Variants in RBMS1 observed in about 807,000 individuals in gnomAD.
The protein encoded by RBMS1 is RNA-binding motif, single-stranded-interacting protein 1.
In RBMS1, 17 loss-of-function variants were observed where a neutral mutation model predicts 62.3. The observed-to-expected ratio is 0.27, with a 90% CI of 0.19 to 0.41. The LOEUF (loss-of-function observed/expected upper bound fraction) is 0.41, where lower values mean the gene tolerates loss of function less well. Among genes scored for constraint, RBMS1 ranks in the 10% least tolerant of loss-of-function variants. The probability of loss-of-function intolerance (pLI) is 1.00; values close to 1 mark genes in which losing one functional copy is unlikely to be tolerated. For missense variants in RBMS1, 334 were observed against 504.5 expected (o/e 0.66, Z 3.24); for synonymous variants, 172 against 170.0 (o/e 1.01, Z -0.09).
At chr2:160,325,579 A>G (rs905585888) in intron 2 of RBMS1, among the ~76,000 whole-genome samples, 1 of 152,204 alleles carries the variant, frequency 6.6e-6, no homozygotes, top group Admixed American at 6.5e-5. Context: ...TGTTTTTTCA[A>G]TGGCCTCCCA....
chr2:160,278,500 T>C (rs768055392), intron 11 of RBMS1, 48 bp downstream of exon 11: 13 of 1,469,380 alleles, frequency 8.8e-6, no homozygotes, highest in Non-Finnish European at 5.7e-6. Flanking sequence ...CTGCATTAAT[T>C]TACCCTCCTC....
At chr2:160,304,708 G>C (rs919762609) in intron 4 of RBMS1, among the ~76,000 whole-genome samples, 6 of 152,092 alleles carry the variant, frequency 3.9e-5, no homozygotes, top group Admixed American at 2.6e-4. Flanking sequence ...AATGCTTATA[G>C]AATAAATGTA....
At chr2:160,477,218 A>G (rs74897135) in intron 1 of RBMS1, among the ~76,000 whole-genome samples, 1,845 of 152,318 alleles carry the variant, frequency 0.012, 25 homozygotes, top group Middle Eastern at 0.051. Flanking sequence ...GTGGTGGCGC[A>G]TGCCTGTGGT....
In RBMS1 at chr2:160,426,294, G is replaced by GAAAAGA. The variant is rs1256947237; in HGVS notation, c.76-58904_76-58903insTCTTTT. ...GAAAGAAAGAAAGAAAGAAAGAAAAGAAAGAAGGAAGGAAGGAAGGAAGGA... is the reference window on the plus strand; with the variant it reads ...GAAAGAAAGAAAGAAAGAAAGAAAAGAAAAGAAAAGAAGGAAGGAAGGAAGGAAGGA... On this transcript the variant is annotated intron_variant, in intron 1 of 13. Transcript: ENST00000348849. Among the ~76,000 whole-genome samples, 15 of 66,222 alleles carry GAAAAGA rather than the reference G, an allele frequency of 2.3e-4. No homozygotes were observed. The East Asian group carries it at 6.3e-3, about 28-fold the overall frequency. The allele number at this position is 66,222 out of a possible 152,430, so 43.4% of individuals were successfully genotyped here.
chr2:160,319,207 T>C (rs1690406587), intron 2 of RBMS1, among the ~76,000 whole-genome samples: 1 of 152,144 alleles, frequency 6.6e-6, no homozygotes, highest in Non-Finnish European at 1.5e-5. Flanking sequence ...ACTTTTAAAA[T>C]TGTTTCTTAA....
chr2:160,346,467 C>G (rs968881413), intron 2 of RBMS1, among the ~76,000 whole-genome samples: 3 of 151,936 alleles, frequency 2.0e-5, no homozygotes, highest in African/African-American at 7.3e-5. Flanking sequence ...AAAATAGAGA[C>G]AAATCACAGA....
At chr2:160,352,444 T>A (rs1692569938) in intron 2 of RBMS1, among the ~76,000 whole-genome samples, 1 of 152,168 alleles carries the variant, frequency 6.6e-6, no homozygotes, top group Non-Finnish European at 1.5e-5. Flanking sequence ...ATATGAATAT[T>A]TTGTATTTAA....
At chr2:160,365,966 C>T (rs1016353844) in intron 2 of RBMS1, among the ~76,000 whole-genome samples, 1 of 152,170 alleles carries the variant, frequency 6.6e-6, no homozygotes, top group Admixed American at 6.5e-5. Context: ...TCACAGCAGT[C>T]GCTAGTGCAG....
At chr2:160,352,224 T>C (rs1692556358) in intron 2 of RBMS1, among the ~76,000 whole-genome samples, 1 of 152,100 alleles carries the variant, frequency 6.6e-6, no homozygotes, top group Admixed American at 6.6e-5. Flanking sequence ...CTGTGGTTCC[T>C]CCTAAAAGCC....
intron 6 of RBMS1, among the ~76,000 whole-genome samples, chr2:160,291,671 G>C (rs1432714695): frequency 6.6e-6 from 1 of 152,098 alleles, no homozygotes. Flanking sequence ...AACCCAGTTT[G>C]AGAAGAGAGT....
In RBMS1 at chr2:160,328,709, G is replaced by A. The variant is rs1024961638; in HGVS notation, c.252-10482C>T. Among the ~76,000 whole-genome samples the A allele has an allele frequency of 1.9e-4, 29 of 152,056 alleles. 1 individual carries two copies. Among genetic ancestry groups the A allele is most frequent in the Admixed American group, 3.3e-4 (5 of 15,268 alleles). ...AAACTATAAGGGGCTGGGGTGGGGC[G>A]GAACGTGTGCAAAAAACCCAGAAAA... is the stretch of plus-strand genomic sequence containing the variant. On this transcript the variant is annotated intron_variant, in intron 2 of 13. Coordinates refer to ENST00000348849, the MANE Select transcript of RBMS1 (RefSeq NM_016836.4).
intron 1 of RBMS1, among the ~76,000 whole-genome samples, chr2:160,389,772 A>T (rs890157144): frequency 4.6e-5 from 7 of 150,752 alleles, no homozygotes; most frequent in Non-Finnish European, 8.9e-5. Flanking sequence ...CATAATGAGG[A>T]ATCCTTTTAT....
At chr2:160,318,041 A>C in intron 3 of RBMS1, 128 bp downstream of exon 3, 2 of 1,381,996 alleles carry the variant, frequency 1.4e-6, no homozygotes, top group Non-Finnish European at 1.9e-6. Flanking sequence ...TGCAAGACAG[A>C]AACTGGGTGA....
intron 4 of RBMS1, among the ~76,000 whole-genome samples, chr2:160,310,109 T>TATTA (rs1356725938): frequency 6.6e-6 from 1 of 152,248 alleles, no homozygotes; most frequent in African/African-American, 2.4e-5. Flanking sequence ...AATTATAATG[T>TATTA]ATTACACATC....
intron 1 of RBMS1, among the ~76,000 whole-genome samples, chr2:160,424,779 TA>T (rs745858084): frequency 7.3e-4 from 111 of 152,244 alleles, no homozygotes; most frequent in Non-Finnish European, 1.2e-3. Context: ...CCTTTCATGT[TA>T]AAAAAATAAA....
rs1234546072 is a variant in RBMS1, at chr2:160,367,252, T to A, written c.215A>T (p.His72Leu). The A allele has an allele frequency of 3.7e-6, 6 of 1,613,698 alleles. No homozygotes were observed. The highest frequency in any genetic ancestry group is 5.1e-6 in the Non-Finnish European group (6 of 1,179,962). ...CTTCACCAGGTCCTGGTCGGTGGTG[T>A]GGGGAGGCAGTCCTCGGATATAGAG... ...TNLYIRGLPPHTTDQDLVKLC... is the reference protein window; with the variant it reads ...TNLYIRGLPPLTTDQDLVKLC... The change falls in exon 2 of 14, where the codon CAC (histidine) becomes CTC (leucine). Residue 72 changes from histidine (H) to leucine (L), a missense_variant. This residue lies in a region of RBMS1 where 150 missense variants were observed against 228.0 expected (regional missense o/e 0.66). Coordinates refer to ENST00000348849, the MANE Select transcript of RBMS1 (RefSeq NM_016836.4).
intron 1 of RBMS1, among the ~76,000 whole-genome samples, chr2:160,457,434 T>G (rs974703663): frequency 6.6e-6 from 1 of 152,114 alleles, no homozygotes; most frequent in Admixed American, 6.5e-5. Flanking sequence ...GGTATCCTCA[T>G]TTTGAAAGGA....
At chr2:160,389,806 T>C (rs4544378) in intron 1 of RBMS1, among the ~76,000 whole-genome samples, 84,727 of 149,402 alleles carry the variant, frequency 0.57, 24,517 homozygotes, top group Admixed American at 0.66. Flanking sequence ...AGTTTTTTTT[T>C]TTTTTCAATC....
intron 6 of RBMS1, among the ~76,000 whole-genome samples, chr2:160,294,068 T>A (rs1688814719): frequency 6.6e-6 from 1 of 152,228 alleles, no homozygotes; most frequent in African/African-American, 2.4e-5. Flanking sequence ...TGGGTTCTTT[T>A]ACCCTGGTTG....
Sources: allele counts gnomAD v4.1 joint callset (sites outside exome capture counted in the v4.1 genomes callset), GRCh38; gene constraint gnomAD v4.1.1; regional missense constraint gnomAD v4.1.1; transcripts MANE v1.5; gene names NCBI Gene and HGNC (gene_info 2026-07-23, HGNC 2026-07-21).